GUCY2F: variants seen among roughly 807,000 people sequenced by gnomAD.
The protein encoded by GUCY2F is retinal guanylyl cyclase 2.
GUCY2F carries 61 observed loss-of-function variants against 73.1 expected under a neutral mutation model. The ratio of observed to expected loss-of-function variants is 0.83; its 90% CI spans 0.68 to 1.03. The LOEUF (loss-of-function observed/expected upper bound fraction) is 1.03, where lower values mean the gene tolerates loss of function less well. GUCY2F is among the 50% of genes least tolerant of loss of function. The pLI is 0.00. For missense variants in GUCY2F, 912 were observed against 854.3 expected (o/e 1.07, Z -0.84); for synonymous variants, 331 against 307.8 (o/e 1.08, Z -0.79).
intron 10 of GUCY2F, among the ~76,000 whole-genome samples, chrX:109,401,015 A>G (rs1395374831): frequency 8.9e-6 from 1 of 112,146 alleles, no homozygotes; most frequent in African/African-American, 3.2e-5. Flanking sequence ...CTCTCTGGTA[A>G]AAGCTGGGTG....
chrX:109,444,056 C>G (rs1241342102), intron 6 of GUCY2F, among the ~76,000 whole-genome samples: 2 of 111,672 alleles, frequency 1.8e-5, no homozygotes, highest in Non-Finnish European at 3.8e-5. Flanking sequence ...CAAATCCAGA[C>G]AAATTCCACT....
chrX:109,382,058 A>T (rs1043782025), intron 17 of GUCY2F, 60 bp downstream of exon 17: 1 of 613,838 alleles, frequency 1.6e-6, no homozygotes. Context: ...GCAGACCATG[A>T]CCTCTCCAGA....
intron 6 of GUCY2F, among the ~76,000 whole-genome samples, chrX:109,447,860 T>C (rs776316728): frequency 9.0e-6 from 1 of 110,550 alleles, no homozygotes; most frequent in East Asian, 2.8e-4. Flanking sequence ...AATTTTGACA[T>C]TTAATTAACA....
intron 14 of GUCY2F, 115 bp from the exon 15 acceptor site, chrX:109,388,778 A>G: frequency 2.1e-6 from 1 of 473,672 alleles, no homozygotes; most frequent in East Asian, 3.5e-5. Context: ...AGAAAGGCAG[A>G]GAGGGACTGT....
At chrX:109,416,130 A>G (rs1325512454) in intron 8 of GUCY2F, among the ~76,000 whole-genome samples, 1 of 110,645 alleles carries the variant, frequency 9.0e-6, no homozygotes, top group Non-Finnish European at 1.9e-5. Context: ...TATTATTGAT[A>G]ATATTCAGTA....
At chrX:109,413,325 T>TAATTTG (rs1931157065) in intron 8 of GUCY2F, among the ~76,000 whole-genome samples, 1 of 112,151 alleles carries the variant, frequency 8.9e-6, no homozygotes, top group Non-Finnish European at 1.9e-5. Flanking sequence ...ATAATACCTA[T>TAATTTG]CTGGCTGGCT....
intron 11 of GUCY2F, 43 bp downstream of exon 11, chrX:109,398,506 G>A: frequency 1.7e-6 from 2 of 1,155,902 alleles, no homozygotes; most frequent in Non-Finnish European, 2.3e-6. Flanking sequence ...GATGATCTCG[G>A]TCATGGTGGA....
At position 109,452,101 on chromosome X, in the gene GUCY2F, T is replaced by C. The variant is rs1358965184; in HGVS notation, c.1394A>G (p.Asp465Gly). The C allele has an allele frequency of 9.3e-7, 1 of 1,070,245 alleles. No individual in the cohort carries two copies. The highest frequency in any genetic ancestry group is 1.9e-5 in the South Asian group (1 of 53,916). 88.2% of individuals were successfully genotyped at this position (1,070,245 alleles called of 1,213,427 possible). A position where few individuals can be genotyped will look rare whatever the true frequency, so the allele number is the denominator to read the frequency against. ...GCAGACCATCATGGCAAAGGCAGGG[T>C]CGATGCCTGCAGAGAGTGAGAGGAA... is the stretch of plus-strand genomic sequence containing the variant. Reference protein sequence around the residue: ...AEGKICHGGIDPAFAMMVCLT... With the variant: ...AEGKICHGGIGPAFAMMVCLT... Residue 465 changes from aspartate (D) to glycine (G), a missense_variant, in exon 5 of 20, where the codon GAC (aspartate) becomes GGC (glycine). Physicochemically the swap from Asp to Gly is moderately conservative, Grantham distance 94. Transcript: ENST00000218006.
chrX:109,390,391 T>C (rs1930532327), intron 14 of GUCY2F, among the ~76,000 whole-genome samples: 1 of 112,322 alleles, frequency 8.9e-6, no homozygotes, highest in African/African-American at 3.2e-5. Flanking sequence ...ATTCAAATTT[T>C]ACAGGTAAAG....
At chrX:109,406,300 T>A (rs895742575) in intron 9 of GUCY2F, among the ~76,000 whole-genome samples, 1 of 111,372 alleles carries the variant, frequency 9.0e-6, no homozygotes, top group Non-Finnish European at 1.9e-5. Flanking sequence ...TACACAGCCA[T>A]TGTATGTAAA....
At chrX:109,480,958 G>A (rs1281174656) in intron 1 of GUCY2F, among the ~76,000 whole-genome samples, 1 of 104,140 alleles carries the variant, frequency 9.6e-6, no homozygotes, top group African/African-American at 3.5e-5. Flanking sequence ...GGAAGGAAAA[G>A]AGGAAGGGGG....
In GUCY2F at chrX:109,404,497, C is replaced by T; in HGVS notation, c.1969-13G>A. 8.8e-7 allele frequency: 1 copy of T among 1,137,883 alleles called. No homozygotes were observed. Among genetic ancestry groups the T allele is most frequent in the Non-Finnish European group, 1.2e-6 (1 of 840,262 alleles). 93.8% of individuals were successfully genotyped at this position (1,137,883 alleles called of 1,213,427 possible). ...AGTACTTCATGCCCTGTAGATGACA[C>T]AACAGGATTTATTTAGCAACTCATT... On this transcript the variant is annotated splice_polypyrimidine_tract_variant and intron_variant, in intron 9 of 19. Coordinates refer to ENST00000218006, the MANE Select transcript of GUCY2F (RefSeq NM_001522.3).
At chrX:109,400,865 C>T (rs1310842452) in intron 10 of GUCY2F, among the ~76,000 whole-genome samples, 2 of 112,056 alleles carry the variant, frequency 1.8e-5, no homozygotes, top group Admixed American at 9.5e-5. Context: ...TTTATAGTTG[C>T]GGGATTTTAG....
intron 12 of GUCY2F, 28 bp from the exon 13 acceptor site, chrX:109,393,083 G>T: frequency 1.2e-6 from 1 of 859,463 alleles, no homozygotes; most frequent in Non-Finnish European, 1.7e-6. Context: ...AAGGGAACCA[G>T]AAAATGCTTA....
chrX:109,379,516 C>A (rs750325421), intron 17 of GUCY2F, among the ~76,000 whole-genome samples: 1 of 112,161 alleles, frequency 8.9e-6, no homozygotes, highest in Non-Finnish European at 1.9e-5. Context: ...TGTCAGTTTA[C>A]AATAAAAAAT....
In GUCY2F at chrX:109,465,379, A is replaced by T; in HGVS notation, c.795T>A (p.Cys265Ter). Residue 265 changes from cysteine (C) to a stop codon, truncating the protein, a stop_gained, in exon 3 of 20, where the codon TGT (cysteine) becomes TGA (stop). Coordinates refer to ENST00000218006, the MANE Select transcript of GUCY2F (RefSeq NM_001522.3). LOFTEE classifies it high-confidence loss of function. ...CATCAGTCATTTTCAGATCATGAGC[A>T]CATTCCAAGAGATGCATCTGAGTCT... Reference protein sequence around the residue: ...GGETQMHLLECAHDLKMTDGT... With the variant: ...GGETQMHLLE 8.3e-7 allele frequency: 1 copy of T among 1,202,070 alleles called. No homozygotes were observed. The highest frequency in any genetic ancestry group is 1.1e-6 in the Non-Finnish European group (1 of 886,608).
At chrX:109,380,549 G>A (rs1037029975) in intron 17 of GUCY2F, among the ~76,000 whole-genome samples, 1 of 110,112 alleles carries the variant, frequency 9.1e-6, no homozygotes, top group African/African-American at 3.3e-5. Flanking sequence ...CCCTCTTAAT[G>A]TCTCCTCCTC....
chrX:109,471,663 C>T (rs924873840), intron 2 of GUCY2F, among the ~76,000 whole-genome samples: 4 of 112,356 alleles, frequency 3.6e-5, no homozygotes, highest in Non-Finnish European at 5.6e-5. Flanking sequence ...TTTGTCAAAG[C>T]AAAGAAATAG....
At chrX:109,451,278 G>T (rs185702645) in intron 5 of GUCY2F, among the ~76,000 whole-genome samples, 112 of 111,999 alleles carry the variant, frequency 1.0e-3, no homozygotes, top group African/African-American at 3.3e-3. Context: ...ATTTGATCAT[G>T]TACTAAGGGA....
Sources: allele counts gnomAD v4.1 joint callset (sites outside exome capture counted in the v4.1 genomes callset), GRCh38; gene constraint gnomAD v4.1.1; transcripts MANE v1.5; gene names NCBI Gene and HGNC (gene_info 2026-07-23, HGNC 2026-07-21).